Variants in ZNF468 observed in about 807,000 individuals in gnomAD.
ZNF468 encodes the protein zinc finger protein 468, also known as zinc finger protein ZNF468.
A neutral mutation model predicts 7.2 loss-of-function variants in ZNF468; 8 were observed. The ratio of observed to expected loss-of-function variants is 1.11; its 90% CI spans 0.65 to 2.01. ZNF468 has a LOEUF of 2.01. Among genes scored for constraint, ZNF468 ranks in the 30% most tolerant of loss-of-function variants. The pLI, the probability that ZNF468 is intolerant of heterozygous loss-of-function variation, is 0.00. For synonymous variants in ZNF468, 218 were observed against 214.4 expected (o/e 1.02, Z -0.15); for missense variants, 608 against 626.5 (o/e 0.97, Z 0.31).
intron 3 of ZNF468, chr19:52,846,643 TCA>T (rs1470986249): frequency 1.9e-5 from 3 of 157,630 alleles, no homozygotes; most frequent in Non-Finnish European, 4.1e-5. Context: ...GTTGTTATAT[TCA>T]CACTGGAATC....
chr19:52,839,561 C>T lies in ZNF468; in HGVS notation c.*1164G>A. ...AACAACTGTCTCCAAAAGGAATTGTCTGATGGTCTGCAAGGAGTGACCTTG... is the reference window on the plus strand; with the variant it reads ...AACAACTGTCTCCAAAAGGAATTGTTTGATGGTCTGCAAGGAGTGACCTTG... On this transcript the variant is annotated 3_prime_UTR_variant, in exon 4 of 4. Coordinates refer to ENST00000595646, the MANE Select transcript of ZNF468 (RefSeq NM_001008801.2). The T allele has an allele frequency of 1.9e-6, 1 of 519,578 alleles. No homozygotes were observed. 32.2% of individuals were successfully genotyped at this position (519,578 alleles called of 1,614,324 possible). A position where few individuals can be genotyped will look rare whatever the true frequency, so the allele number is the denominator to read the frequency against.
chr19:52,842,814 CAAAAAAAAAAAAA>C (rs60067060), intron 3 of ZNF468, among the ~76,000 whole-genome samples: 6 of 52,928 alleles, frequency 1.1e-4, no homozygotes, highest in East Asian at 1.6e-3. Flanking sequence ...GACTCCATCT[CAAAAAAAAAAAAA>C]AAAAAAAAAA....
chr19:52,838,130 T>A lies in ZNF468; in HGVS notation c.*2595A>T, dbSNP rs959892020. On this transcript the variant is annotated 3_prime_UTR_variant, in exon 4 of 4. Transcript: ENST00000595646. ...GACCCCTTGTACTAGCGAACTGTAT[T>A]CAAGAGGATATTAAAAGGATTGTAG... 3 of 152,164 alleles carry A rather than the reference T, an allele frequency of 2.0e-5. No homozygotes were observed. The highest frequency in any genetic ancestry group is 4.4e-5 in the Non-Finnish European group (3 of 68,038). The allele number at this position is 152,164 out of a possible 1,614,324, so 9.4% of individuals were successfully genotyped here. A position where few individuals can be genotyped will look rare whatever the true frequency, so the allele number is the denominator to read the frequency against.
chr19:52,849,320 G>T, intron 2 of ZNF468, 107 bp from the exon 3 acceptor site: 1 of 1,571,742 alleles, frequency 6.4e-7, no homozygotes, highest in South Asian at 1.2e-5. Flanking sequence ...TGTAGAGAAT[G>T]TTCTGACAAA....
chr19:52,847,320 T>A (rs2063348556), intron 3 of ZNF468, among the ~76,000 whole-genome samples: 1 of 151,684 alleles, frequency 6.6e-6, no homozygotes, highest in South Asian at 2.1e-4. Context: ...CCATTCTCAG[T>A]TAACCAGGGA....
At chr19:52,853,284 G>C (rs2063405969) in intron 2 of ZNF468, among the ~76,000 whole-genome samples, 2 of 152,184 alleles carry the variant, frequency 1.3e-5, no homozygotes, top group African/African-American at 4.8e-5. Context: ...ATGTGACAGG[G>C]AAAGGAGATG....
chr19:52,853,146 C>G (rs954556169), intron 2 of ZNF468, among the ~76,000 whole-genome samples: 1 of 152,032 alleles, frequency 6.6e-6, no homozygotes, highest in East Asian at 1.9e-4. Context: ...TGAGCCACCG[C>G]GCGTGGCCCA....
chr19:52,856,377 T>C (rs59557369), intron 1 of ZNF468, among the ~76,000 whole-genome samples: 11,774 of 147,352 alleles, frequency 0.08, no homozygotes, highest in South Asian at 0.15. Context: ...AAAAATTAGC[T>C]GGGCTCCATC....
rs920471968 is a variant in ZNF468, at chr19:52,853,946, T to A, written c.15+312A>T. 22 of 1,398,848 alleles carry A rather than the reference T, an allele frequency of 1.6e-5. No homozygotes were observed. In the African/African-American group the frequency reaches 1.9e-4, roughly 12 times the overall value. 86.7% of individuals were successfully genotyped at this position (1,398,848 alleles called of 1,614,324 possible). ...ATCCTGGTCCACAGTGAGCTGACAGTGCATCCAGATGTGGCCCCTGAACAA... is the reference window on the plus strand; with the variant it reads ...ATCCTGGTCCACAGTGAGCTGACAGAGCATCCAGATGTGGCCCCTGAACAA... On this transcript the variant is annotated intron_variant, in intron 2 of 3. Transcript: ENST00000595646.
chr19:52,845,635 G>A (rs1600519161), intron 3 of ZNF468, among the ~76,000 whole-genome samples: 2 of 152,104 alleles, frequency 1.3e-5, no homozygotes, highest in South Asian at 4.2e-4. Flanking sequence ...CTCCAGCCCG[G>A]GCAAGAGAGT....
At chr19:52,843,762 T>C (rs954737484) in intron 3 of ZNF468, among the ~76,000 whole-genome samples, 10 of 152,106 alleles carry the variant, frequency 6.6e-5, no homozygotes, top group Admixed American at 1.3e-4. Flanking sequence ...AGAACTGAAA[T>C]AGATGTTAAG....
chr19:52,850,426 A>G (rs1422619022), intron 2 of ZNF468, among the ~76,000 whole-genome samples: 2 of 152,144 alleles, frequency 1.3e-5, no homozygotes, highest in African/African-American at 4.8e-5. Context: ...CATTCAGCCA[A>G]TTTCCAATGC....
intron 3 of ZNF468, among the ~76,000 whole-genome samples, chr19:52,844,528 T>C (rs1411209554): frequency 6.6e-6 from 1 of 151,992 alleles, no homozygotes; most frequent in Admixed American, 6.6e-5. Context: ...GTGGCATGAT[T>C]CTCCTACCTC....
chr19:52,848,823 T>C (rs967612320), intron 3 of ZNF468, among the ~76,000 whole-genome samples: 6 of 152,278 alleles, frequency 3.9e-5, no homozygotes, highest in Middle Eastern at 3.4e-3. Flanking sequence ...GGTACTGGGA[T>C]GACAGGTGTG....
chr19:52,840,851 CGAT>C lies in ZNF468; in HGVS notation c.1440_1442del (p.Ser481del). 2 of 1,592,866 alleles carry C rather than the reference CGAT, an allele frequency of 1.3e-6. No individual in the cohort carries two copies. The highest frequency in any genetic ancestry group is 1.7e-6 in the Non-Finnish European group (2 of 1,170,840). Reference sequence around the variant, plus strand: ...TATGAAGCCTACGATGGATTATAAGCGATGATGTCTGACCGAAGGTCTTGCCAC... The same window carrying C: ...TATGAAGCCTACGATGGATTATAAGCGATGTCTGACCGAAGGTCTTGCCAC... On this transcript the variant is annotated inframe_deletion, in exon 4 of 4. Transcript: ENST00000595646.
At position 52,841,103 on chromosome 19, in the gene ZNF468, G is replaced by C. The variant is rs759658309; in HGVS notation, c.1191C>G (p.His397Gln). 10 of 1,613,782 alleles carry C rather than the reference G, an allele frequency of 6.2e-6. No homozygotes were observed. The highest frequency in any genetic ancestry group is 6.8e-6 in the Non-Finnish European group (8 of 1,179,912). ...ECDKVFSRKS[H>Q]LERHRRIHSG... is the part of the protein sequence containing the mutation. ...TATGAATCCTCCTATGTCTTTCAAGGTGTGATTTGCGACTGAAAACTTTGT... is the reference window on the plus strand; with the variant it reads ...TATGAATCCTCCTATGTCTTTCAAGCTGTGATTTGCGACTGAAAACTTTGT... Residue 397 changes from histidine (H) to glutamine (Q), a missense_variant, in exon 4 of 4, where the codon CAC becomes CAG. Transcript: ENST00000595646.
At position 52,840,508 on chromosome 19, in the gene ZNF468, T is replaced by C; in HGVS notation, c.*217A>G. The C allele has an allele frequency of 1.0e-6, 1 of 999,562 alleles. No individual in the cohort carries two copies. The highest frequency in any genetic ancestry group is 1.5e-6 in the Non-Finnish European group (1 of 655,866). The allele number at this position is 999,562 out of a possible 1,614,324, so 61.9% of individuals were successfully genotyped here. ...TCTTCAATGTGAATTTTCTTATGTGTTTTAAGGTTTGATTTACAACTGAAA... is the reference window on the plus strand; with the variant it reads ...TCTTCAATGTGAATTTTCTTATGTGCTTTAAGGTTTGATTTACAACTGAAA... On this transcript the variant is annotated 3_prime_UTR_variant, in exon 4 of 4. Coordinates refer to ENST00000595646, the MANE Select transcript of ZNF468 (RefSeq NM_001008801.2).
Position 52,840,941 on chromosome 19 carries a change from A to C in ZNF468, c.1353T>G (p.Asp451Glu). 6.2e-7 allele frequency: 1 copy of C among 1,613,240 alleles called. No individual in the cohort carries two copies. The highest frequency in any genetic ancestry group is 8.5e-7 in the Non-Finnish European group (1 of 1,179,776). ...CTCTCTGATGTTGTGCCAGGTGTGAATCCCTCTGGAAAGCCTTGTCACAAA... is the reference window on the plus strand; with the variant it reads ...CTCTCTGATGTTGTGCCAGGTGTGACTCCCTCTGGAAAGCCTTGTCACAAA... ...CKVCDKAFQRDSHLAQHQRVH... is the reference protein window; with the variant it reads ...CKVCDKAFQRESHLAQHQRVH... Residue 451 changes from aspartate to glutamate, a missense_variant, in exon 4 of 4, where the codon GAT (aspartate) becomes GAG (glutamate). Asp to Glu is a conservative substitution (Grantham distance 45, BLOSUM62 2). Coordinates refer to ENST00000595646, the MANE Select transcript of ZNF468 (RefSeq NM_001008801.2).
chr19:52,854,391 C>T, intron 1 of ZNF468, 46 bp from the exon 2 acceptor site: 1 of 1,540,380 alleles, frequency 6.5e-7, no homozygotes, highest in South Asian at 1.1e-5. Flanking sequence ...TCAACACACC[C>T]CCTCCCTTAA....
Sources: allele counts gnomAD v4.1 joint callset (sites outside exome capture counted in the v4.1 genomes callset), GRCh38; gene constraint gnomAD v4.1.1; transcripts MANE v1.5; gene names NCBI Gene and HGNC (gene_info 2026-07-23, HGNC 2026-07-21).